The following SAMD12 variants were observed in gnomAD, a reference collection of about 807,000 sequenced individuals.
SAMD12 encodes the protein sterile alpha motif domain-containing protein 12.
A neutral mutation model predicts 15.0 loss-of-function variants in SAMD12; 9 were observed. The observed-to-expected ratio is 0.60, with a 90% CI of 0.36 to 1.05. The LOEUF is 1.05. Among genes scored for constraint, SAMD12 ranks in the 50% least tolerant of loss-of-function variants. The pLI is 0.01. For synonymous variants in SAMD12, 86 were observed against 90.1 expected, an observed-to-expected ratio of 0.96 and a Z score of 0.25; for missense variants, 230 against 234.2, an observed-to-expected ratio of 0.98 and a Z score of 0.12.
intron 4 of SAMD12, among the ~76,000 whole-genome samples, chr8:118,219,096 T>C (rs1317870021): frequency 1.3e-5 from 2 of 152,208 alleles, no homozygotes; most frequent in Admixed American, 6.5e-5. Flanking sequence ...TCCTTTCTAC[T>C]GTTCACAGGC....
At chr8:118,451,016 A>C (rs1293637163) in intron 2 of SAMD12, among the ~76,000 whole-genome samples, 1 of 152,186 alleles carries the variant, frequency 6.6e-6, no homozygotes, top group African/African-American at 2.4e-5. Flanking sequence ...ACATGGGAAG[A>C]GTTGTCTTAA....
intron 3 of SAMD12, among the ~76,000 whole-genome samples, chr8:118,433,257 G>C (rs1822468255): frequency 6.6e-6 from 1 of 152,224 alleles, no homozygotes; most frequent in Admixed American, 6.5e-5. Context: ...AGTTGTGCCA[G>C]TGACTGGGAT....
At chr8:118,232,364 G>A (rs1245804237) in intron 4 of SAMD12, among the ~76,000 whole-genome samples, 1 of 152,114 alleles carries the variant, frequency 6.6e-6, no homozygotes, top group Non-Finnish European at 1.5e-5. Context: ...GAGAGGAAAT[G>A]TATTCCCATT....
At chr8:118,248,973 G>C (rs994084132) in intron 4 of SAMD12, among the ~76,000 whole-genome samples, 7 of 152,096 alleles carry the variant, frequency 4.6e-5, no homozygotes, top group Admixed American at 1.3e-4. Context: ...GTGTGTATTT[G>C]TAGAGTCATT....
At chr8:118,573,199 C>G (rs570263543) in intron 2 of SAMD12, among the ~76,000 whole-genome samples, 1 of 152,264 alleles carries the variant, frequency 6.6e-6, no homozygotes, top group Admixed American at 6.5e-5. Flanking sequence ...ATTCTCCTGC[C>G]TCAGCTTCCT....
intron 2 of SAMD12, among the ~76,000 whole-genome samples, chr8:118,556,713 C>G (rs1207254654): frequency 6.6e-6 from 1 of 151,896 alleles, no homozygotes; most frequent in Non-Finnish European, 1.5e-5. Flanking sequence ...GCCTGTAATC[C>G]CAGTACTTTG....
intron 2 of SAMD12, among the ~76,000 whole-genome samples, chr8:118,576,570 T>A (rs2131248443): frequency 6.6e-6 from 1 of 152,306 alleles, no homozygotes; most frequent in Middle Eastern, 3.4e-3. Flanking sequence ...GCAGCATAGG[T>A]CAAGTTCTTC....
At chr8:118,572,475 C>T (rs909066562) in intron 2 of SAMD12, among the ~76,000 whole-genome samples, 10 of 152,092 alleles carry the variant, frequency 6.6e-5, no homozygotes, top group Non-Finnish European at 8.8e-5. Context: ...TGTCCTCACC[C>T]AAATCTCATC....
At chr8:118,541,977 G>C (rs934072588) in intron 2 of SAMD12, among the ~76,000 whole-genome samples, 4 of 152,116 alleles carry the variant, frequency 2.6e-5, no homozygotes, top group Non-Finnish European at 4.4e-5. Flanking sequence ...GCAAGCTATG[G>C]TGCCCAGCAA....
chr8:118,325,699 C>T (rs986677815), intron 4 of SAMD12, among the ~76,000 whole-genome samples: 14 of 152,170 alleles, frequency 9.2e-5, no homozygotes, highest in African/African-American at 2.9e-4. Context: ...AGCATGTGCC[C>T]TTTGACCAAC....
chr8:118,605,462 T>G (rs1015419392), intron 1 of SAMD12, among the ~76,000 whole-genome samples: 2 of 152,142 alleles, frequency 1.3e-5, no homozygotes, highest in African/African-American at 4.8e-5. Context: ...ATCCTTGGGG[T>G]AACTATGGGG....
chr8:118,175,275 G>A, the SAMD12 span, among the ~76,000 whole-genome samples: 7,379 of 152,170 alleles, frequency 0.048, 595 homozygotes, highest in African/African-American at 0.17. Flanking sequence ...GCTGGCATAA[G>A]TATAACTGGA....
At chr8:118,308,229 AG>A (rs1177894420) in intron 4 of SAMD12, among the ~76,000 whole-genome samples, 1 of 152,172 alleles carries the variant, frequency 6.6e-6, no homozygotes, top group African/African-American at 2.4e-5. Flanking sequence ...AACCTGATAC[AG>A]GCTGTTTGGC....
intron 4 of SAMD12, among the ~76,000 whole-genome samples, chr8:118,358,292 C>CAG (rs1818329289): frequency 6.6e-6 from 1 of 152,174 alleles, no homozygotes; most frequent in Non-Finnish European, 1.5e-5. Flanking sequence ...TATTACTCCC[C>CAG]AGTCTAACTT....
chr8:118,614,255 G>A (rs1020563827), intron 1 of SAMD12, among the ~76,000 whole-genome samples: 4 of 152,124 alleles, frequency 2.6e-5, no homozygotes, highest in African/African-American at 9.7e-5. Flanking sequence ...CACAAACCAG[G>A]TCTTAAGAGC....
intron 2 of SAMD12, among the ~76,000 whole-genome samples, chr8:118,510,761 AAAAGAGTACTATTTATTAG>A (rs1181299335): frequency 6.6e-6 from 1 of 152,232 alleles, no homozygotes; most frequent in African/African-American, 2.4e-5. Context: ...ATGCTGGGGC[AAAAGAGTACTATTTATTAG>A]TTAAACAATT....
At chr8:118,247,492 A>T (rs1812723437) in intron 4 of SAMD12, among the ~76,000 whole-genome samples, 1 of 152,172 alleles carries the variant, frequency 6.6e-6, no homozygotes, top group Non-Finnish European at 1.5e-5. Context: ...CTCATTCCAC[A>T]ATGTATACTT....
chr8:118,387,675 C>T (rs114906754), intron 3 of SAMD12, among the ~76,000 whole-genome samples: 2 of 152,164 alleles, frequency 1.3e-5, no homozygotes, highest in Non-Finnish European at 2.9e-5. Flanking sequence ...AGAAGCCATG[C>T]TCTGAACCAT....
At chr8:118,221,394 G>C (rs1218900732) in intron 4 of SAMD12, among the ~76,000 whole-genome samples, 1 of 152,214 alleles carries the variant, frequency 6.6e-6, no homozygotes, top group African/African-American at 2.4e-5. Context: ...CCTGAAGCGT[G>C]AGTAGGCTAT....
Sources: gnomAD v4.1 joint callset for allele counts (sites outside exome capture counted in the v4.1 genomes callset) on GRCh38, gnomAD v4.1.1 for gene constraint, MANE v1.5 for transcripts, NCBI Gene and HGNC (gene_info 2026-07-23, HGNC 2026-07-21) for gene names.